The following NCAPD3 variants were observed in gnomAD, a reference collection of about 807,000 sequenced individuals.
NCAPD3 encodes condensin-2 complex subunit D3.
A neutral mutation model predicts 182.9 loss-of-function variants in NCAPD3; 105 were observed. The observed-to-expected ratio is 0.57, with a 90% confidence interval of 0.49 to 0.68. The LOEUF (loss-of-function observed/expected upper bound fraction) is 0.68. Ranked by LOEUF, NCAPD3 falls within the 30% of genes least tolerant of loss-of-function variation. The probability of loss-of-function intolerance (pLI) is 0.00; values close to 1 mark genes in which losing one functional copy is unlikely to be tolerated. For missense variants in NCAPD3, 1,944 were observed against 1,837.0 expected, an observed-to-expected ratio of 1.06 and a Z score of -1.07; for synonymous variants, 815 against 679.9, an observed-to-expected ratio of 1.20 and a Z score of -3.09.
At chr11:134,156,942 A>T in intron 32 of NCAPD3, 76 bp downstream of exon 32, 1 of 1,316,082 alleles carries the variant, frequency 7.6e-7, no homozygotes, top group Non-Finnish European at 1.1e-6. Flanking sequence ...AAGGAGTTTT[A>T]CTGCGACTCT....
At chr11:134,180,677 G>C (rs1944276823) in intron 20 of NCAPD3, among the ~76,000 whole-genome samples, 1 of 152,168 alleles carries the variant, frequency 6.6e-6, no homozygotes, top group Non-Finnish European at 1.5e-5. Flanking sequence ...TCTACTGTCT[G>C]ATGTTCAAAT....
At chr11:134,200,755 C>T (rs538101030) in intron 13 of NCAPD3, among the ~76,000 whole-genome samples, 1 of 152,296 alleles carries the variant, frequency 6.6e-6, no homozygotes, top group African/African-American at 2.4e-5. Flanking sequence ...AACCACACAT[C>T]TATACAAAAA....
intron 13 of NCAPD3, among the ~76,000 whole-genome samples, chr11:134,200,497 T>C (rs1944726130): frequency 3.9e-5 from 6 of 152,116 alleles, no homozygotes; most frequent in Admixed American, 3.9e-4. Flanking sequence ...TCATTAGCCA[T>C]TAGGGAAATG....
Position 134,210,124 on chromosome 11 carries a change from A to G in NCAPD3, c.567+146T>C, listed in dbSNP as rs568840250. On this transcript the variant is annotated intron_variant, in intron 4 of 34. Coordinates refer to ENST00000534548, the MANE Select transcript of NCAPD3 (RefSeq NM_015261.3). ...AGAAAAATTATATGAAGCCGAAGAC[A>G]CAAAGCAGTATTGGATAGCTTATGA... The G allele has an allele frequency of 4.0e-4, 239 of 598,936 alleles. 1 individual carries two copies. Among genetic ancestry groups the G allele is most frequent in the Non-Finnish European group, 4.9e-4 (170 of 343,542 alleles). The allele number at this position is 598,936 out of a possible 1,614,324, so 37.1% of individuals were successfully genotyped here. A position where few individuals can be genotyped will look rare whatever the true frequency, so the allele number is the denominator to read the frequency against.
chr11:134,189,719 G>A (rs954329624), intron 16 of NCAPD3, among the ~76,000 whole-genome samples: 3 of 152,090 alleles, frequency 2.0e-5, no homozygotes, highest in Admixed American at 6.5e-5. Context: ...TGGGCATGGG[G>A]TTTTATACAT....
Position 134,168,503 on chromosome 11 carries a change from G to A in NCAPD3, c.3339C>T (p.Phe1113=). 2 of 1,614,190 alleles carry A rather than the reference G, an allele frequency of 1.2e-6. No individual in the cohort carries two copies. Among genetic ancestry groups the A allele is most frequent in the African/African-American group, 1.3e-5 (1 of 75,044 alleles). ...LLEHFTDEQR[F]NITSKICLSI... is the part of the protein sequence containing the mutation. ...TAAGGCAGATTTTGGAAGTGATGTT[G>A]AATCGCTGTTCATCTGTGAAGTGCT... Residue 1113 remains phenylalanine, a synonymous_variant, in exon 26 of 35, where the codon TTC becomes TTT. Transcript: ENST00000534548.
At chr11:134,189,371 T>C (rs1456606672) in intron 16 of NCAPD3, among the ~76,000 whole-genome samples, 1 of 152,196 alleles carries the variant, frequency 6.6e-6, no homozygotes, top group Non-Finnish European at 1.5e-5. Flanking sequence ...AATTGAACCT[T>C]TAGCTCATCA....
rs879852940 is a variant in NCAPD3, at chr11:134,217,106, G to A, written c.220-8C>T. ...GAAGAAGGTCCAGATACTCTGTGGG[G>A]AGACCGCAAATCACAAAAGCCAGTC... On this transcript the variant is annotated splice_polypyrimidine_tract_variant and splice_region_variant and intron_variant, in intron 2 of 34. Transcript: ENST00000534548. 7.0e-6 allele frequency: 11 copies of A among 1,569,864 alleles called. No individual in the cohort carries two copies. The highest frequency in any genetic ancestry group is 4.8e-5 in the South Asian group (4 of 83,740).
intron 20 of NCAPD3, among the ~76,000 whole-genome samples, chr11:134,179,760 T>C (rs1944254307): frequency 6.6e-6 from 1 of 152,022 alleles, no homozygotes; most frequent in Admixed American, 6.5e-5. Context: ...AACAACTAAG[T>C]AATATTGTTC....
chr11:134,168,886 C>A (rs1170727628), intron 25 of NCAPD3, 31 bp downstream of exon 25: 12 of 1,601,752 alleles, frequency 7.5e-6, no homozygotes, highest in Non-Finnish European at 9.4e-6. Context: ...TACCCAGATA[C>A]AAGGAGACCA....
At chr11:134,163,471 G>A (rs564077729) in intron 27 of NCAPD3, among the ~76,000 whole-genome samples, 32 of 151,924 alleles carry the variant, frequency 2.1e-4, no homozygotes, top group Non-Finnish European at 4.0e-4. Flanking sequence ...AGGCCGAGGC[G>A]GGCAGATCAC....
intron 19 of NCAPD3, 74 bp from the exon 20 acceptor site, chr11:134,181,258 A>C: frequency 2.1e-6 from 2 of 943,402 alleles, no homozygotes; most frequent in Non-Finnish European, 3.3e-6. Context: ...CCATGTTCTC[A>C]GAAGAAACTA....
At chr11:134,222,295 A>C (rs995979984) in intron 1 of NCAPD3, among the ~76,000 whole-genome samples, 1 of 152,256 alleles carries the variant, frequency 6.6e-6, no homozygotes, top group African/African-American at 2.4e-5. Flanking sequence ...TTCACTCAAC[A>C]AACACTTTGA....
chr11:134,220,731 G>A lies in NCAPD3; in HGVS notation c.65-5C>T. On this transcript the variant is annotated splice_region_variant and splice_polypyrimidine_tract_variant and intron_variant, in intron 1 of 34. Transcript: ENST00000534548. ...CCCACACTGTGTCAACCCATTCTAG[G>A]GGAAAATGCAATGAAATGTGTAAGT... 2 of 1,609,506 alleles carry A rather than the reference G, an allele frequency of 1.2e-6. No homozygotes were observed. Among genetic ancestry groups the A allele is most frequent in the African/African-American group, 1.3e-5 (1 of 74,968 alleles).
At chr11:134,187,430 G>A (rs1354953075) in intron 16 of NCAPD3, among the ~76,000 whole-genome samples, 2 of 152,158 alleles carry the variant, frequency 1.3e-5, no homozygotes, top group Non-Finnish European at 2.9e-5. Context: ...TTGAAGCTGG[G>A]CTTCCATCTC....
intron 2 of NCAPD3, among the ~76,000 whole-genome samples, chr11:134,218,855 A>C (rs573667191): frequency 6.6e-6 from 1 of 152,190 alleles, no homozygotes; most frequent in Non-Finnish European, 1.5e-5. Context: ...CTCCCTGCAC[A>C]CAATTTTTCC....
Position 134,184,834 on chromosome 11 carries a change from C to CA in NCAPD3, c.2335+68dup. ...ATACACACACACACACACACACACA[C>CA]ACACACACACACACACCTGAAATGA... On this transcript the variant is annotated intron_variant, in intron 18 of 34. Coordinates refer to ENST00000534548, the MANE Select transcript of NCAPD3 (RefSeq NM_015261.3). 6.5e-6 allele frequency: 9 copies of CA among 1,379,186 alleles called. 1 individual carries two copies. Among genetic ancestry groups the CA allele is most frequent in the Non-Finnish European group, 7.2e-6 (7 of 966,752 alleles). The allele number at this position is 1,379,186 out of a possible 1,614,324, so 85.4% of individuals were successfully genotyped here. A position where few individuals can be genotyped will look rare whatever the true frequency, so the allele number is the denominator to read the frequency against.
At chr11:134,164,338 T>G (rs1943692944) in intron 27 of NCAPD3, among the ~76,000 whole-genome samples, 1 of 152,112 alleles carries the variant, frequency 6.6e-6, no homozygotes, top group Admixed American at 6.5e-5. Flanking sequence ...TTTGACAGAG[T>G]AAGTCAGAGA....
intron 2 of NCAPD3, among the ~76,000 whole-genome samples, chr11:134,219,665 T>A (rs1938156588): frequency 6.6e-6 from 1 of 152,190 alleles, no homozygotes. Context: ...ACCCTTTGGT[T>A]TTTTTTGAAA....
Sources: gnomAD v4.1 joint callset for allele counts (sites outside exome capture counted in the v4.1 genomes callset) on GRCh38, gnomAD v4.1.1 for gene constraint, MANE v1.5 for transcripts, NCBI Gene and HGNC (gene_info 2026-07-23, HGNC 2026-07-21) for gene names.